LIN9: variants seen among roughly 807,000 people sequenced by gnomAD.
LIN9 encodes the protein protein lin-9 homolog.
A neutral mutation model predicts 78.0 loss-of-function variants in LIN9; 18 were observed. The observed-to-expected ratio is 0.23, with a 90% CI of 0.16 to 0.34. LIN9 has a LOEUF of 0.34. Ranked by LOEUF, LIN9 falls within the 10% of genes least tolerant of loss-of-function variation. The probability of loss-of-function intolerance (pLI) is 1.00; values close to 1 mark genes in which losing one functional copy is unlikely to be tolerated. For missense variants in LIN9, 451 were observed against 644.1 expected (o/e 0.70, Z 3.25); for synonymous variants, 192 against 215.2 (o/e 0.89, Z 0.94).
intron 10 of LIN9, among the ~76,000 whole-genome samples, chr1:226,254,484 A>G (rs1215239598): frequency 6.6e-6 from 1 of 152,168 alleles, no homozygotes; most frequent in East Asian, 1.9e-4. Context: ...TAGGCTTTAC[A>G]TATAGATTAT....
chr1:226,309,353 G>C (rs964134447), upstream of LIN9: 91 of 990,132 alleles, frequency 9.2e-5, no homozygotes, highest in Non-Finnish European at 1.0e-4. Flanking sequence ...TCGCCCCTCC[G>C]CCGCCGCCTC....
At chr1:226,280,074 A>G (rs547744640) in intron 6 of LIN9, among the ~76,000 whole-genome samples, 90 of 152,312 alleles carry the variant, frequency 5.9e-4, no homozygotes, top group Non-Finnish European at 1.1e-3. Flanking sequence ...ACTTTTAATC[A>G]TAATTTTTGC....
At chr1:226,303,569 A>G (rs1039770274) in intron 1 of LIN9, among the ~76,000 whole-genome samples, 1 of 152,092 alleles carries the variant, frequency 6.6e-6, no homozygotes, top group Non-Finnish European at 1.5e-5. Context: ...GATTCTGACC[A>G]ATCACCTTTA....
At chr1:226,255,465 C>T (rs546138059) in intron 10 of LIN9, among the ~76,000 whole-genome samples, 1 of 152,274 alleles carries the variant, frequency 6.6e-6, no homozygotes, top group Admixed American at 6.5e-5. Context: ...AGTTCATAGT[C>T]CAGAGGCTCA....
At chr1:226,306,814 C>T (rs9286999) in intron 1 of LIN9, among the ~76,000 whole-genome samples, 60,894 of 151,952 alleles carry the variant, frequency 0.4, 12,445 homozygotes, top group East Asian at 0.47. Context: ...CTTTTCAAGA[C>T]CCTGCTCTAG....
At chr1:226,307,861 T>C (rs1479548058) in intron 1 of LIN9, among the ~76,000 whole-genome samples, 3 of 152,250 alleles carry the variant, frequency 2.0e-5, no homozygotes, top group Non-Finnish European at 4.4e-5. Context: ...GCTGCCCTAC[T>C]GGACATCACA....
intron 10 of LIN9, among the ~76,000 whole-genome samples, chr1:226,262,981 G>A (rs1308738345): frequency 6.6e-5 from 10 of 152,076 alleles, no homozygotes; most frequent in Non-Finnish European, 1.3e-4. Context: ...ATCAAGCCAC[G>A]AATAGACATG....
chr1:226,268,654 G>A (rs931897768), intron 7 of LIN9, among the ~76,000 whole-genome samples: 4 of 152,106 alleles, frequency 2.6e-5, no homozygotes, highest in South Asian at 2.1e-4. Flanking sequence ...TTTCCCTCTG[G>A]AAGACTGGAA....
At chr1:226,280,986 A>G in intron 6 of LIN9, among the ~76,000 whole-genome samples, 1 of 152,194 alleles carries the variant, frequency 6.6e-6, no homozygotes. Flanking sequence ...TTGTAGCACT[A>G]TTTACAATAG....
At chr1:226,297,388 G>T (rs1483452951) in intron 3 of LIN9, among the ~76,000 whole-genome samples, 2 of 151,992 alleles carry the variant, frequency 1.3e-5, no homozygotes, top group African/African-American at 4.8e-5. Flanking sequence ...GTCTATACAA[G>T]ATTTTAATAC....
rs772976907 is a variant in LIN9, at chr1:226,233,057, C to T, written c.1523+39G>A. 5 of 1,223,164 alleles carry T rather than the reference C, an allele frequency of 4.1e-6. No individual in the cohort carries two copies. The Admixed American group carries it at 9.4e-5, about 23-fold the overall frequency. The allele number at this position is 1,223,164 out of a possible 1,614,324, so 75.8% of individuals were successfully genotyped here. On this transcript the variant is annotated intron_variant, in intron 14 of 14. Transcript: ENST00000681046. ...AACCTGGACTGAAAATTACTATGAA[C>T]TTCACATTAAAATGATTAGAGTATA... is the stretch of plus-strand genomic sequence containing the variant.
intron 1 of LIN9, among the ~76,000 whole-genome samples, chr1:226,308,535 C>T (rs978020625): frequency 1.3e-5 from 2 of 152,172 alleles, no homozygotes; most frequent in African/African-American, 4.8e-5. Flanking sequence ...AACCCTCTGA[C>T]ACGGAAACAC....
At chr1:226,246,634 A>T (rs77138642) in intron 11 of LIN9, among the ~76,000 whole-genome samples, 17 of 150,846 alleles carry the variant, frequency 1.1e-4, no homozygotes, top group African/African-American at 3.6e-4. Flanking sequence ...AAAAAAAAAA[A>T]TACAAAAAAT....
intron 7 of LIN9, among the ~76,000 whole-genome samples, chr1:226,270,833 A>G (rs1423157852): frequency 6.0e-5 from 9 of 150,906 alleles, no homozygotes; most frequent in South Asian, 2.1e-4. Context: ...TCAAAAAAAA[A>G]AAAAAAAAAA....
At chr1:226,276,524 G>T (rs766812077) in intron 7 of LIN9, among the ~76,000 whole-genome samples, 1 of 152,048 alleles carries the variant, frequency 6.6e-6, no homozygotes, top group Admixed American at 6.6e-5. Flanking sequence ...CATTTCATAT[G>T]CATGATTCAG....
intron 7 of LIN9, among the ~76,000 whole-genome samples, chr1:226,272,972 C>T (rs548579585): frequency 2.0e-5 from 3 of 152,118 alleles, no homozygotes; most frequent in African/African-American, 4.8e-5. Context: ...ATCACCCCCA[C>T]GACCTGGTGT....
At position 226,295,694 on chromosome 1, in the gene LIN9, T is replaced by C; in HGVS notation, c.264+148A>G. 4 of 535,804 alleles carry C rather than the reference T, an allele frequency of 7.5e-6. No individual in the cohort carries two copies. In the East Asian group the frequency reaches 1.3e-4, roughly 17 times the overall value. The allele number at this position is 535,804 out of a possible 1,614,324, so 33.2% of individuals were successfully genotyped here. On this transcript the variant is annotated intron_variant, in intron 4 of 14. Coordinates refer to ENST00000681046, the MANE Select transcript of LIN9 (RefSeq NM_001366245.2). ...TAAAGTTGATCAAAAAAATAACATT[T>C]TCTAGGTAACTAAAACAGGACCAGA...
rs1657352196 is a variant in LIN9 at position 226,231,805 on chromosome 1, A to G, written c.*696T>C. The G allele has an allele frequency of 1.0e-5, 2 of 199,360 alleles. No homozygotes were observed. The highest frequency in any genetic ancestry group is 1.1e-4 in the East Asian group (1 of 9,142). 12.3% of individuals were successfully genotyped at this position (199,360 alleles called of 1,614,324 possible). ...ATGCCAAATCCATTTTTAGAAATTT[A>G]GCATTTTGCACCTTTTTTCCCCCTG... On this transcript the variant is annotated 3_prime_UTR_variant, in exon 15 of 15. Coordinates refer to ENST00000681046, the MANE Select transcript of LIN9 (RefSeq NM_001366245.2).
chr1:226,277,827 TTTGAA>T lies in LIN9; in HGVS notation c.625_629del (p.Phe209ArgfsTer5). On this transcript the variant is annotated frameshift_variant, in exon 7 of 15. Coordinates refer to ENST00000681046, the MANE Select transcript of LIN9 (RefSeq NM_001366245.2). LOFTEE classifies it high-confidence loss of function. ...GCAAAGGAATTTCATCTGGGAGATC[TTTGAA>T]TTGTGAAACATCTGCAACTTTCCTT... The T allele has an allele frequency of 6.2e-7, 1 of 1,613,962 alleles. No individual in the cohort carries two copies. The highest frequency in any genetic ancestry group is 8.5e-7 in the Non-Finnish European group (1 of 1,179,928).
Sources: allele counts gnomAD v4.1 joint callset (sites outside exome capture counted in the v4.1 genomes callset), GRCh38; gene constraint gnomAD v4.1.1; transcripts MANE v1.5; gene names NCBI Gene and HGNC (gene_info 2026-07-23, HGNC 2026-07-21).